STAM2: variants seen among roughly 807,000 people sequenced by gnomAD.
The protein encoded by STAM2 is signal transducing adaptor molecule 2.
A neutral mutation model predicts 65.6 loss-of-function variants in STAM2; 51 were observed. That is an observed-to-expected ratio of 0.78 (90% CI 0.62 to 0.98). The LOEUF is 0.98. STAM2 is among the 50% of genes least tolerant of loss of function. The pLI is 0.00. For missense variants in STAM2, 584 were observed against 617.8 expected (o/e 0.95, Z 0.58); for synonymous variants, 198 against 208.4 (o/e 0.95, Z 0.43).
At chr2:152,126,934 A>AT (rs1560210085) in intron 11 of STAM2, among the ~76,000 whole-genome samples, 1 of 152,162 alleles carries the variant, frequency 6.6e-6, no homozygotes. Flanking sequence ...AACCAATCAG[A>AT]TGTTTGCACA....
rs185599908 is a variant in STAM2 at position 152,120,464 on chromosome 2, C to A, written c.*110G>T. 105 of 714,064 alleles carry A rather than the reference C, an allele frequency of 1.5e-4. No individual in the cohort carries two copies. Among genetic ancestry groups the A allele is most frequent in the Admixed American group, 3.3e-4 (12 of 35,990 alleles). 44.2% of individuals were successfully genotyped at this position (714,064 alleles called of 1,614,324 possible). A position where few individuals can be genotyped will look rare whatever the true frequency, so the allele number is the denominator to read the frequency against. ...GAGAGGTTTTTGTGCTTTATTTATTCATGGTCCTTTTGAGTTGAGAGGGAA... is the reference window on the plus strand; with the variant it reads ...GAGAGGTTTTTGTGCTTTATTTATTAATGGTCCTTTTGAGTTGAGAGGGAA... On this transcript the variant is annotated 3_prime_UTR_variant, in exon 14 of 14. Transcript: ENST00000263904.
intron 1 of STAM2, among the ~76,000 whole-genome samples, chr2:152,170,204 G>A (rs1029276587): frequency 2.0e-5 from 3 of 151,734 alleles, no homozygotes; most frequent in African/African-American, 7.3e-5. Context: ...GCACTCCACT[G>A]GGCACAGTGG....
intron 1 of STAM2, among the ~76,000 whole-genome samples, chr2:152,159,706 T>C (rs1028119638): frequency 1.3e-5 from 2 of 152,056 alleles, no homozygotes; most frequent in Admixed American, 6.5e-5. Flanking sequence ...AAGAACAGGA[T>C]TGCTCCCTCT....
intron 1 of STAM2, among the ~76,000 whole-genome samples, chr2:152,170,482 CAAA>C (rs111603376): frequency 1.2e-4 from 12 of 101,882 alleles, no homozygotes; most frequent in East Asian, 2.5e-4. Context: ...GACTCCGTCT[CAAA>C]AAAAAAAAAA....
At chr2:152,171,530 T>C (rs964366215) in intron 1 of STAM2, among the ~76,000 whole-genome samples, 3 of 152,252 alleles carry the variant, frequency 2.0e-5, no homozygotes, top group African/African-American at 7.2e-5. Context: ...GCTATCAATA[T>C]CTATTTTTAT....
At position 152,123,841 on chromosome 2, in the gene STAM2, A is replaced by G. The variant is rs1419636417; in HGVS notation, c.1274T>C (p.Ile425Thr). 2 of 1,614,096 alleles carry G rather than the reference A, an allele frequency of 1.2e-6. No homozygotes were observed. The change falls in exon 13 of 14, where the codon ATT becomes ACT. Residue 425 changes from isoleucine (I) to threonine (T), a missense_variant. Transcript: ENST00000263904. ...TGGAGGCAGAGATCTCAGTGGACCAATTTGATCGGGTCCTAGGCTATAGCT... is the reference window on the plus strand; with the variant it reads ...TGGAGGCAGAGATCTCAGTGGACCAGTTTGATCGGGTCCTAGGCTATAGCT... ...AQSYSLGPDQ[I>T]GPLRSLPPNV...
At chr2:152,175,356 C>T (rs1164514142) in intron 1 of STAM2, among the ~76,000 whole-genome samples, 1 of 152,160 alleles carries the variant, frequency 6.6e-6, no homozygotes, top group African/African-American at 2.4e-5. Flanking sequence ...AAATCCTACG[C>T]TTGGCAAGGA....
rs889701092 is a variant in STAM2 at position 152,141,630 on chromosome 2, G to C, written c.704+2197C>G. On this transcript the variant is annotated intron_variant, in intron 7 of 13. Coordinates refer to ENST00000263904, the MANE Select transcript of STAM2 (RefSeq NM_005843.6). ...TTTTGAGACAGAGTCTCGCTCTGTC[G>C]CCCAGGCTGGAGTGCAATGGCACGA... Among the ~76,000 whole-genome samples the C allele has an allele frequency of 2.6e-5, 4 of 151,050 alleles. No individual in the cohort carries two copies. The South Asian group carries it at 8.4e-4, about 32-fold the overall frequency.
chr2:152,118,440 A>C lies in STAM2; in HGVS notation c.*2134T>G, dbSNP rs1003007577. ...TTTCACCGATGTGCCAATATATACT[A>C]TATATTTATATATATATATATGTGT... On this transcript the variant is annotated 3_prime_UTR_variant, in exon 14 of 14. Transcript: ENST00000263904. 1 of 146,212 alleles carries C rather than the reference A, an allele frequency of 6.8e-6. No individual in the cohort carries two copies. Among genetic ancestry groups the C allele is most frequent in the African/African-American group, 2.6e-5 (1 of 38,264 alleles). The allele number at this position is 146,212 out of a possible 1,614,324, so 9.1% of individuals were successfully genotyped here.
intron 1 of STAM2, among the ~76,000 whole-genome samples, chr2:152,152,958 T>C (rs1689475104): frequency 6.6e-6 from 1 of 152,232 alleles, no homozygotes; most frequent in Non-Finnish European, 1.5e-5. Flanking sequence ...AGTATGTATG[T>C]AGAAAATATT....
chr2:152,130,274 C>T (rs892543531), intron 11 of STAM2, among the ~76,000 whole-genome samples: 1 of 151,912 alleles, frequency 6.6e-6, no homozygotes, highest in African/African-American at 2.4e-5. Context: ...TTTTTTGAGA[C>T]CGTGTCTTGC....
chr2:152,172,402 C>A (rs1191315997), intron 1 of STAM2, among the ~76,000 whole-genome samples: 1 of 152,060 alleles, frequency 6.6e-6, no homozygotes, highest in African/African-American at 2.4e-5. Flanking sequence ...CTTTTCTCAG[C>A]CCCTGAGAAA....
intron 11 of STAM2, among the ~76,000 whole-genome samples, chr2:152,128,756 T>C (rs1482238740): frequency 6.6e-6 from 1 of 152,224 alleles, no homozygotes; most frequent in African/African-American, 2.4e-5. Flanking sequence ...TAAACTTTTA[T>C]GGAGTCAATT....
rs1016713769 is a variant in STAM2 at position 152,148,021 on chromosome 2, T to C, written c.300+3A>G. Reference sequence around the variant, plus strand: ...TTAAAGTTCTTCTGTTTTTAAAATTTACCTTATTTTTAATCACAGCACGTA... The same window carrying C: ...TTAAAGTTCTTCTGTTTTTAAAATTCACCTTATTTTTAATCACAGCACGTA... On this transcript the variant is annotated splice_donor_region_variant and intron_variant, in intron 4 of 13. Coordinates refer to ENST00000263904, the MANE Select transcript of STAM2 (RefSeq NM_005843.6). The C allele has an allele frequency of 1.3e-6, 2 of 1,594,740 alleles. No homozygotes were observed. Among genetic ancestry groups the C allele is most frequent in the Non-Finnish European group, 1.7e-6 (2 of 1,170,660 alleles).
At position 152,126,295 on chromosome 2, in the gene STAM2, C is replaced by G; in HGVS notation, c.1110G>C (p.Val370=). 1 of 1,609,504 alleles carries G rather than the reference C, an allele frequency of 6.2e-7. No individual in the cohort carries two copies. Among genetic ancestry groups the G allele is most frequent in the South Asian group, 1.1e-5 (1 of 90,426 alleles). Residue 370 remains valine, a synonymous_variant, in exon 12 of 14, where the codon GTG becomes GTC. Transcript: ENST00000263904. ...GGTGGAGCTTTGAATAGACTGAGTA[C>G]ACTGGTGCTTCATTCACCAATTTGT... is the stretch of plus-strand genomic sequence containing the variant. The part of the protein sequence containing the change: ...LYNKLVNEAP[V]YSVYSKLHPP...
At chr2:152,172,487 T>C (rs950468347) in intron 1 of STAM2, among the ~76,000 whole-genome samples, 1 of 152,088 alleles carries the variant, frequency 6.6e-6, no homozygotes, top group Admixed American at 6.6e-5. Flanking sequence ...CAAAAGAGAT[T>C]AATCTTTAAA....
chr2:152,141,581 TTTTG>T (rs565628185), intron 7 of STAM2, among the ~76,000 whole-genome samples: 129 of 151,394 alleles, frequency 8.5e-4, no homozygotes, highest in African/African-American at 2.4e-3. Flanking sequence ...CTCAATGTTT[TTTTG>T]TTTGTTTGTT....
At chr2:152,174,206 T>C (rs1180615214) in intron 1 of STAM2, among the ~76,000 whole-genome samples, 2 of 152,230 alleles carry the variant, frequency 1.3e-5, no homozygotes, top group African/African-American at 4.8e-5. Context: ...AATTCACGGT[T>C]TTTAAGTTTT....
chr2:152,175,081 C>T (rs1239929943), intron 1 of STAM2, among the ~76,000 whole-genome samples: 1 of 152,122 alleles, frequency 6.6e-6, no homozygotes, highest in Non-Finnish European at 1.5e-5. Context: ...TGTAATAAAT[C>T]TTAAAGCTAC....
Sources: allele counts gnomAD v4.1 joint callset (sites outside exome capture counted in the v4.1 genomes callset), GRCh38; gene constraint gnomAD v4.1.1; transcripts MANE v1.5; gene names NCBI Gene and HGNC (gene_info 2026-07-23, HGNC 2026-07-21).